CDCA7: variants seen among roughly 807,000 people sequenced by gnomAD.
The protein encoded by CDCA7 is cell division cycle-associated protein 7.
In CDCA7, 28 loss-of-function variants were observed where a neutral mutation model predicts 54.0. The ratio of observed to expected loss-of-function variants is 0.52; its 90% CI spans 0.38 to 0.71. The LOEUF (loss-of-function observed/expected upper bound fraction) is 0.71. Ranked by LOEUF, CDCA7 falls within the 30% of genes least tolerant of loss-of-function variation. The pLI is 0.00. For missense variants in CDCA7, 484 were observed against 586.0 expected (o/e 0.83, Z 1.80); for synonymous variants, 180 against 208.2 (o/e 0.86, Z 1.16).
chr2:173,354,882 C>T lies in CDCA7; in HGVS notation c.-82C>T. 13 of 1,351,194 alleles carry T rather than the reference C, an allele frequency of 9.6e-6. No individual in the cohort carries two copies. The highest frequency in any genetic ancestry group is 1.3e-5 in the Non-Finnish European group (13 of 1,033,378). 83.7% of individuals were successfully genotyped at this position (1,351,194 alleles called of 1,614,324 possible). On this transcript the variant is annotated 5_prime_UTR_variant, in exon 1 of 10. Coordinates refer to ENST00000306721, the MANE Select transcript of CDCA7 (RefSeq NM_031942.5). The stretch of plus-strand genomic sequence containing the variant: ...CAGCCTGCCAGCCGCGCTGCTGCTG[C>T]TCCTCCTGCTGTGGGACCGCTGACC...
In CDCA7 at chr2:173,367,077, AAATGT is replaced by A. The variant is rs926322457; in HGVS notation, c.1186-66_1186-62del. On this transcript the variant is annotated intron_variant, in intron 8 of 9. Coordinates refer to ENST00000306721, the MANE Select transcript of CDCA7 (RefSeq NM_031942.5). ...AATTTTTAACCATAAAGAAGGGGTT[AAATGT>A]AATGTAGATAAGTTGGTGGGGGAGG... 10 of 1,516,754 alleles carry A rather than the reference AAATGT, an allele frequency of 6.6e-6. No individual in the cohort carries two copies. In the African/African-American group the frequency reaches 7.0e-5, roughly 11 times the overall value. 94.0% of individuals were successfully genotyped at this position (1,516,754 alleles called of 1,614,324 possible). A position where few individuals can be genotyped will look rare whatever the true frequency, so the allele number is the denominator to read the frequency against.
At chr2:173,357,989 AGGAGATTGAGACCAT>A (rs1362348031) in intron 1 of CDCA7, among the ~76,000 whole-genome samples, 1 of 152,068 alleles carries the variant, frequency 6.6e-6, no homozygotes, top group Non-Finnish European at 1.5e-5. Context: ...TCACGAGGTC[AGGAGATTGAGACCAT>A]TCTGGCTAAC....
At chr2:173,364,563 A>G (rs1410825628) in intron 5 of CDCA7, 1 of 419,660 alleles carries the variant, frequency 2.4e-6, no homozygotes, top group Admixed American at 4.9e-5. Flanking sequence ...AAAAGAATAA[A>G]TAGCTCATCT....
chr2:173,355,822 A>G (rs994877075), intron 1 of CDCA7, among the ~76,000 whole-genome samples: 3 of 152,004 alleles, frequency 2.0e-5, no homozygotes, highest in African/African-American at 7.2e-5. Context: ...AGACAATGAC[A>G]TGTTTAAAAT....
chr2:173,355,035 G>A, intron 1 of CDCA7, 51 bp downstream of exon 1: 2 of 1,303,714 alleles, frequency 1.5e-6, no homozygotes, highest in Non-Finnish European at 9.7e-7. Flanking sequence ...GGTGCTGGAC[G>A]CAGGCGGGCG....
At chr2:173,355,827 T>A (rs1686492106) in intron 1 of CDCA7, among the ~76,000 whole-genome samples, 2 of 151,972 alleles carry the variant, frequency 1.3e-5, no homozygotes, top group African/African-American at 4.8e-5. Flanking sequence ...ATGACATGTT[T>A]AAAATAAATA....
Position 173,363,856 on chromosome 2 carries a change from C to G in CDCA7, c.660C>G (p.Gly220=), listed in dbSNP as rs1686668825. ...KLMSELESFP[G]SFRGRHPLPG... ...TGTCTGAATTAGAAAGCTTCCCTGG[C>G]TCGTTCCGTGGAAGACATCCCCTCC... Residue 220 remains glycine, a synonymous_variant, in exon 5 of 10, where the codon GGC becomes GGG. Transcript: ENST00000306721. The G allele has an allele frequency of 6.2e-7, 1 of 1,614,098 alleles. No homozygotes were observed. The highest frequency in any genetic ancestry group is 1.3e-5 in the African/African-American group (1 of 74,926).
At chr2:173,357,117 C>A (rs1686521484) in intron 1 of CDCA7, among the ~76,000 whole-genome samples, 1 of 152,066 alleles carries the variant, frequency 6.6e-6, no homozygotes, top group Non-Finnish European at 1.5e-5. Context: ...ATTCCATGGC[C>A]CCATTTAAGG....
chr2:173,356,977 C>T (rs888755515), intron 1 of CDCA7, among the ~76,000 whole-genome samples: 7 of 152,188 alleles, frequency 4.6e-5, no homozygotes, highest in African/African-American at 9.7e-5. Flanking sequence ...GACTGAAATG[C>T]GTAATGTTAG....
chr2:173,361,002 G>A (rs991923972), intron 3 of CDCA7, among the ~76,000 whole-genome samples: 5 of 152,030 alleles, frequency 3.3e-5, no homozygotes, highest in South Asian at 2.1e-4. Context: ...GCTTTCTGTC[G>A]TCATAGATTA....
At position 173,365,219 on chromosome 2, in the gene CDCA7, T is replaced by G. The variant is rs113976516; in HGVS notation, c.894+230T>G. Among the ~76,000 whole-genome samples, 637 of 152,326 alleles carry G rather than the reference T, an allele frequency of 4.2e-3. 4 individuals are homozygous for G. The highest frequency in any genetic ancestry group is 0.026 in the South Asian group (124 of 4,826). On this transcript the variant is annotated intron_variant, in intron 6 of 9. Transcript: ENST00000306721. ...TTAATTGTAGGCATCGTTTCCAAAA[T>G]GTCCAGTTAGGCTACAGTAAGCGTA...
intron 1 of CDCA7, chr2:173,356,205 T>C (rs1686501160): frequency 6.6e-6 from 1 of 152,296 alleles, no homozygotes; most frequent in Non-Finnish European, 1.5e-5. Flanking sequence ...CTATTTGCCT[T>C]GCTGCTTTTT....
At chr2:173,363,516 A>G (rs1036507730) in intron 4 of CDCA7, 54 bp downstream of exon 4, 7 of 1,500,336 alleles carry the variant, frequency 4.7e-6, no homozygotes, top group Non-Finnish European at 6.5e-6. Context: ...GCGACTCATT[A>G]CTTAAATCTG....
At position 173,365,605 on chromosome 2, in the gene CDCA7, A is replaced by G; in HGVS notation, c.1035+13A>G. ...TAACCGTTCACTGGTGAGAGCCTCT[A>G]AATTACACCTGAGAATGTAAACATC... is the stretch of plus-strand genomic sequence containing the variant. On this transcript the variant is annotated intron_variant, in intron 7 of 9. Transcript: ENST00000306721. The G allele has an allele frequency of 2.5e-6, 4 of 1,612,626 alleles. No homozygotes were observed. Among genetic ancestry groups the G allele is most frequent in the East Asian group, 2.2e-5 (1 of 44,860 alleles).
intron 1 of CDCA7, 53 bp downstream of exon 1, chr2:173,355,037 AG>A: frequency 1.5e-6 from 2 of 1,302,446 alleles, no homozygotes; most frequent in South Asian, 4.6e-5. Context: ...TGCTGGACGC[AG>A]GCGGGCGCGG....
intron 1 of CDCA7, among the ~76,000 whole-genome samples, chr2:173,355,668 A>ACCCCCCC (rs1558946117): frequency 5.0e-5 from 2 of 40,252 alleles, no homozygotes; most frequent in African/African-American, 1.1e-4. Flanking sequence ...CCCAACCCCC[A>ACCCCCCC]ACCCCCCACC....
chr2:173,368,750 T>C lies in CDCA7; in HGVS notation c.*1086T>C, dbSNP rs1474313809. On this transcript the variant is annotated 3_prime_UTR_variant, in exon 10 of 10. Coordinates refer to ENST00000306721, the MANE Select transcript of CDCA7 (RefSeq NM_031942.5). Reference sequence around the variant, plus strand: ...ATTTGGTAGAGGTGGAATCTAAGTGTTTGTATGTCCAATTTACTTGCATAT... The same window carrying C: ...ATTTGGTAGAGGTGGAATCTAAGTGCTTGTATGTCCAATTTACTTGCATAT... 2.0e-5 allele frequency: 3 copies of C among 152,206 alleles called. No individual in the cohort carries two copies. Among genetic ancestry groups the C allele is most frequent in the African/African-American group, 4.8e-5 (2 of 41,452 alleles). 9.4% of individuals were successfully genotyped at this position (152,206 alleles called of 1,614,324 possible).
At position 173,359,310 on chromosome 2, in the gene CDCA7, A is replaced by G; in HGVS notation, c.203A>G (p.Asp68Gly). The G allele has an allele frequency of 6.2e-7, 1 of 1,614,162 alleles. No homozygotes were observed. Among genetic ancestry groups the G allele is most frequent in the Non-Finnish European group, 8.5e-7 (1 of 1,180,034 alleles). Residue 68 changes from aspartate to glycine, a missense_variant, in exon 3 of 10, where the codon GAC becomes GGC. Coordinates refer to ENST00000306721, the MANE Select transcript of CDCA7 (RefSeq NM_031942.5). ...SEELANVFYEDSDNESFCGFS... is the reference protein window; with the variant it reads ...SEELANVFYEGSDNESFCGFS... The stretch of plus-strand genomic sequence containing the variant: ...GAACTGGCAAATGTTTTTTATGAGG[A>G]CTCTGATAATGAATCTTTCTGCGGC...
At chr2:173,362,145 C>T (rs1686633661) in intron 3 of CDCA7, among the ~76,000 whole-genome samples, 1 of 152,164 alleles carries the variant, frequency 6.6e-6, no homozygotes, top group Admixed American at 6.5e-5. Flanking sequence ...TTACATTACC[C>T]TATGGCTAAT....
Sources: allele counts gnomAD v4.1 joint callset (sites outside exome capture counted in the v4.1 genomes callset), GRCh38; gene constraint gnomAD v4.1.1; transcripts MANE v1.5; gene names NCBI Gene and HGNC (gene_info 2026-07-23, HGNC 2026-07-21).